The following LRRC37A2 variants were observed in gnomAD, a reference collection of about 807,000 sequenced individuals.
LRRC37A2 encodes the protein leucine-rich repeat-containing protein 37A2.
Under a neutral mutation model 68.8 loss-of-function variants are expected in LRRC37A2, and 9 were observed. The observed-to-expected ratio is 0.13, with a 90% CI of 0.08 to 0.23. The LOEUF (loss-of-function observed/expected upper bound fraction) is 0.23, where lower values mean the gene tolerates loss of function less well. Ranked by LOEUF, LRRC37A2 falls within the 10% of genes least tolerant of loss-of-function variation. The pLI, the probability that LRRC37A2 is intolerant of heterozygous loss-of-function variation, is 1.00. For missense variants in LRRC37A2, 168 were observed against 950.4 expected, an observed-to-expected ratio of 0.18 and a Z score of 10.82; for synonymous variants, 63 against 367.6, an observed-to-expected ratio of 0.17 and a Z score of 9.48.
At chr17:47,022,435 G>A in the LRRC37A2 span, among the ~76,000 whole-genome samples, 4 of 150,202 alleles carry the variant, frequency 2.7e-5, no homozygotes, top group East Asian at 7.9e-4. Flanking sequence ...CTCTTAAAGT[G>A]TTCATATTAC....
the LRRC37A2 span, among the ~76,000 whole-genome samples, chr17:47,023,934 C>A: frequency 6.6e-6 from 1 of 152,096 alleles, no homozygotes; most frequent in East Asian, 1.9e-4. Context: ...TTACAAAGGT[C>A]AGGATAGTGG....
chr17:46,725,554 C>A, the LRRC37A2 span, among the ~76,000 whole-genome samples: 4 of 152,216 alleles, frequency 2.6e-5, no homozygotes, highest in Middle Eastern at 3.4e-3. Flanking sequence ...ACTTTAAAAA[C>A]CAAGTATACA....
chr17:46,979,075 C>G, the LRRC37A2 span: 1 of 1,312,082 alleles, frequency 7.6e-7, no homozygotes, highest in Non-Finnish European at 9.7e-7. Context: ...GGGGTCCGCG[C>G]TCTCAGGGAC....
At chr17:46,873,185 G>A in the LRRC37A2 span, among the ~76,000 whole-genome samples, 33 of 151,846 alleles carry the variant, frequency 2.2e-4, no homozygotes, top group African/African-American at 5.8e-4. Flanking sequence ...TTCCAGGCCC[G>A]ATGACACGAG....
the LRRC37A2 span, among the ~76,000 whole-genome samples, chr17:46,993,738 G>A: frequency 2.6e-5 from 4 of 152,198 alleles, no homozygotes; most frequent in Admixed American, 2.0e-4. Context: ...TCAAGTCTTC[G>A]TGGGGCTGCT....
chr17:46,812,336 A>AT, the LRRC37A2 span, among the ~76,000 whole-genome samples: 2 of 150,314 alleles, frequency 1.3e-5, no homozygotes, highest in Non-Finnish European at 3.0e-5. Context: ...CCACCCCCCT[A>AT]CCCCCGCCCC....
chr17:46,603,111 TATCA>T, the LRRC37A2 span, among the ~76,000 whole-genome samples: 2 of 126,044 alleles, frequency 1.6e-5, no homozygotes, highest in African/African-American at 6.3e-5. Context: ...TAAATCTACT[TATCA>T]GTCATCAAAT....
the LRRC37A2 span, chr17:46,726,727 C>G: frequency 1.1e-6 from 1 of 914,562 alleles, no homozygotes; most frequent in South Asian, 1.3e-5. Flanking sequence ...ATAGAAATAC[C>G]TTTCTTTGTC....
chr17:46,745,540 A>ACGC, the LRRC37A2 span, among the ~76,000 whole-genome samples: 1 of 152,214 alleles, frequency 6.6e-6, no homozygotes, highest in African/African-American at 2.4e-5. Context: ...TCATGAGGAA[A>ACGC]CTGGCAGCGA....
the LRRC37A2 span, among the ~76,000 whole-genome samples, chr17:46,829,577 T>C: frequency 3.4e-4 from 51 of 152,192 alleles, no homozygotes; most frequent in Admixed American, 2.9e-3. Flanking sequence ...GCTCCCTGAG[T>C]GTGTTTCGGG....
At chr17:46,697,215 CTT>C in the LRRC37A2 span, among the ~76,000 whole-genome samples, 12 of 122,022 alleles carry the variant, frequency 9.8e-5, no homozygotes, top group East Asian at 6.9e-4. Context: ...AATTATTTTT[CTT>C]TTTTTTTTTT....
the LRRC37A2 span, among the ~76,000 whole-genome samples, chr17:46,727,754 T>A: frequency 2.6e-5 from 4 of 152,154 alleles, no homozygotes. Flanking sequence ...TTAACACAAT[T>A]GAGGTGTGTG....
the LRRC37A2 span, among the ~76,000 whole-genome samples, chr17:46,944,884 G>A: frequency 6.6e-6 from 1 of 152,136 alleles, no homozygotes; most frequent in Non-Finnish European, 1.5e-5. Flanking sequence ...ACTGGCATAA[G>A]CCACCGCAGC....
At chr17:46,551,422 G>C (rs1388538877) in intron 11 of LRRC37A2, among the ~76,000 whole-genome samples, 19 of 149,802 alleles carry the variant, frequency 1.3e-4, no homozygotes, top group Non-Finnish European at 2.4e-4. Flanking sequence ...TATTGTGGCA[G>C]CCCTCCATTC....
chr17:46,764,991 G>A, the LRRC37A2 span, among the ~76,000 whole-genome samples: 1 of 152,358 alleles, frequency 6.6e-6, no homozygotes, highest in African/African-American at 2.4e-5. Flanking sequence ...CTGGGCTCAC[G>A]CCAGGCATGC....
the LRRC37A2 span, among the ~76,000 whole-genome samples, chr17:46,954,187 T>C: frequency 6.6e-6 from 1 of 152,254 alleles, no homozygotes; most frequent in Admixed American, 6.5e-5. Flanking sequence ...TGTAAGTCTT[T>C]AATCCATCTT....
chr17:46,569,265 A>G, the LRRC37A2 span, among the ~76,000 whole-genome samples: 2 of 151,272 alleles, frequency 1.3e-5, no homozygotes, highest in East Asian at 1.9e-4. Context: ...ATTTGATACA[A>G]CTGGAGAAAT....
At chr17:46,543,292 T>C (rs2145638341) in intron 8 of LRRC37A2, among the ~76,000 whole-genome samples, 1 of 150,602 alleles carries the variant, frequency 6.6e-6, no homozygotes, top group African/African-American at 2.5e-5. Flanking sequence ...TGATCTTTCA[T>C]GTGTATTGAA....
the LRRC37A2 span, among the ~76,000 whole-genome samples, chr17:46,901,555 C>T: frequency 6.6e-6 from 1 of 152,146 alleles, no homozygotes; most frequent in African/African-American, 2.4e-5. Flanking sequence ...GGAGCCAGGG[C>T]CCTGTTACAT....
Sources: allele counts gnomAD v4.1 joint callset (sites outside exome capture counted in the v4.1 genomes callset), GRCh38; gene constraint gnomAD v4.1.1; transcripts MANE v1.5; gene names NCBI Gene and HGNC (gene_info 2026-07-23, HGNC 2026-07-21).